CDKL5: variants seen among roughly 807,000 people sequenced by gnomAD.
CDKL5 encodes cyclin-dependent kinase-like 5.
CDKL5 carries 8 observed loss-of-function variants against 61.7 expected under a neutral mutation model. The observed-to-expected ratio is 0.13, with a 90% CI of 0.08 to 0.23. CDKL5 has a LOEUF of 0.23. Ranked by LOEUF, CDKL5 falls within the 10% of genes least tolerant of loss-of-function variation. CDKL5 has a pLI of 1.00. For synonymous variants in CDKL5, 275 were observed against 272.3 expected, an observed-to-expected ratio of 1.01 and a Z score of -0.10; for missense variants, 440 against 734.5, an observed-to-expected ratio of 0.60 and a Z score of 4.63.
At chrX:18,611,364 G>A (rs1342704837) in intron 14 of CDKL5, among the ~76,000 whole-genome samples, 1 of 108,612 alleles carries the variant, frequency 9.2e-6, no homozygotes, top group Non-Finnish European at 1.9e-5. Flanking sequence ...GAACCCGGGA[G>A]GCGGAGCTTG....
chrX:18,562,830 A>G (rs1436956256), intron 3 of CDKL5, among the ~76,000 whole-genome samples: 2 of 111,974 alleles, frequency 1.8e-5, no homozygotes, highest in Non-Finnish European at 3.8e-5. Flanking sequence ...AAGGATAAAT[A>G]AAAGAATACA....
intron 15 of CDKL5, among the ~76,000 whole-genome samples, chrX:18,616,518 G>A (rs960857891): frequency 9.1e-6 from 1 of 109,366 alleles, no homozygotes. Flanking sequence ...CCAGCTACTC[G>A]GGAGGCTGAG....
chrX:18,449,819 G>A (rs1203845180), intron 1 of CDKL5, among the ~76,000 whole-genome samples: 13 of 102,793 alleles, frequency 1.3e-4, no homozygotes, highest in East Asian at 3.0e-4. Context: ...TTTTGGAGAC[G>A]GAGGCTCACT....
chrX:18,641,936 G>T, downstream of CDKL5: 1 of 1,126,179 alleles, frequency 8.9e-7, no homozygotes, highest in Non-Finnish European at 1.2e-6. Flanking sequence ...TCGGTGGTGT[G>T]TGAGGGGGTC....
At chrX:18,503,888 G>A (rs935622362) in intron 1 of CDKL5, among the ~76,000 whole-genome samples, 2 of 110,090 alleles carry the variant, frequency 1.8e-5, no homozygotes, top group Non-Finnish European at 1.9e-5. Context: ...GACTACAGGC[G>A]TGCACAACCA....
chrX:18,609,577 C>T lies in CDKL5; in HGVS notation c.2152+7C>T, dbSNP rs1181895825. Reference sequence around the variant, plus strand: ...GTTGGTAGCTTTTACAGAGGTAAGCCCACCCCCGGCATTCAACAGGTTCCC... The same window carrying T: ...GTTGGTAGCTTTTACAGAGGTAAGCTCACCCCCGGCATTCAACAGGTTCCC... On this transcript the variant is annotated splice_region_variant and intron_variant, in intron 14 of 17. Coordinates refer to ENST00000623535, the MANE Select transcript of CDKL5 (RefSeq NM_001323289.2). 2 of 1,208,275 alleles carry T rather than the reference C, an allele frequency of 1.7e-6. No homozygotes were observed. Among genetic ancestry groups the T allele is most frequent in the African/African-American group, 3.5e-5 (2 of 56,941 alleles).
intron 3 of CDKL5, among the ~76,000 whole-genome samples, chrX:18,560,880 A>AAAG (rs1210667766): frequency 1.8e-5 from 2 of 111,658 alleles, no homozygotes; most frequent in Non-Finnish European, 3.8e-5. Flanking sequence ...AGGCAGAAAA[A>AAAG]AAGAAGTGAT....
intron 3 of CDKL5, among the ~76,000 whole-genome samples, chrX:18,543,219 G>C (rs1475357796): frequency 9.1e-6 from 1 of 110,183 alleles, no homozygotes; most frequent in Non-Finnish European, 1.9e-5. Context: ...GAATAGGGAG[G>C]GTATTGCCAG....
At chrX:18,432,952 C>T (rs183553265) in intron 1 of CDKL5, among the ~76,000 whole-genome samples, 1 of 112,066 alleles carries the variant, frequency 8.9e-6, no homozygotes, top group East Asian at 2.8e-4. Context: ...GGAGACCAGG[C>T]GTGGGTGGCT....
chrX:18,467,654 G>A (rs1920974161), intron 1 of CDKL5, among the ~76,000 whole-genome samples: 1 of 111,809 alleles, frequency 8.9e-6, no homozygotes, highest in African/African-American at 3.3e-5. Context: ...GAGTCTGTAA[G>A]CTGCTGTAGT....
At chrX:18,469,804 C>T (rs1433301833) in intron 1 of CDKL5, among the ~76,000 whole-genome samples, 1 of 111,847 alleles carries the variant, frequency 8.9e-6, no homozygotes, top group Admixed American at 9.6e-5. Flanking sequence ...TTAGAATTCA[C>T]GGGCTTATTT....
chrX:18,503,827 G>A lies in CDKL5; in HGVS notation c.-162-3108G>A, dbSNP rs181452420. ...TGCGATCACGGCTCACCGCAGCTTC[G>A]CCCTCCTGGGCTCAAGCAATCCTCC... On this transcript the variant is annotated intron_variant, in intron 1 of 17. Transcript: ENST00000623535. Among the ~76,000 whole-genome samples the A allele has an allele frequency of 1.2e-3, 138 of 111,483 alleles. 1 individual carries two copies. The highest frequency in any genetic ancestry group is 2.3e-3 in the Non-Finnish European group (122 of 53,011).
chrX:18,543,820 C>G (rs2094754163), intron 3 of CDKL5, among the ~76,000 whole-genome samples: 1 of 111,464 alleles, frequency 9.0e-6, no homozygotes, highest in Non-Finnish European at 1.9e-5. Context: ...ACTCACAATT[C>G]TTTTAGAAAT....
chrX:18,593,029 TTTC>T (rs938346379), intron 9 of CDKL5, among the ~76,000 whole-genome samples: 3 of 112,284 alleles, frequency 2.7e-5, no homozygotes, highest in Admixed American at 9.5e-5. Flanking sequence ...TGTGCCTCTG[TTTC>T]TTCTTGTGTA....
At chrX:18,522,536 G>C (rs142328374) in intron 3 of CDKL5, among the ~76,000 whole-genome samples, 1,736 of 106,353 alleles carry the variant, frequency 0.016, 16 homozygotes, top group South Asian at 0.045. Context: ...GTAGAGACAG[G>C]GTTTTGCCAT....
chrX:18,612,484 G>A (rs1252152522), intron 14 of CDKL5, among the ~76,000 whole-genome samples: 1 of 109,621 alleles, frequency 9.1e-6, no homozygotes, highest in Non-Finnish European at 1.9e-5. Flanking sequence ...CCTGGGCAAC[G>A]TGGTGAAACC....
rs982736007 is a variant in CDKL5 at position 18,425,625 on chromosome X, G to C, written c.-233G>C. On this transcript the variant is annotated 5_prime_UTR_variant, in exon 1 of 18. Coordinates refer to ENST00000623535, the MANE Select transcript of CDKL5 (RefSeq NM_001323289.2). The stretch of plus-strand genomic sequence containing the variant: ...TTTCGATTAGTTGTCTCTGCCGCTG[G>C]GGAAGGTAAAGCGGCGACGGCGTCC... The C allele has an allele frequency of 1.8e-5, 2 of 112,655 alleles. No individual in the cohort carries two copies. Among genetic ancestry groups the C allele is most frequent in the African/African-American group, 6.4e-5 (2 of 31,065 alleles). 9.3% of individuals were successfully genotyped at this position (112,655 alleles called of 1,213,427 possible).
chrX:18,603,398 A>G (rs1470875514), intron 11 of CDKL5, among the ~76,000 whole-genome samples: 1 of 112,455 alleles, frequency 8.9e-6, no homozygotes, highest in Non-Finnish European at 1.9e-5. Context: ...CAGAAGAGAC[A>G]TTGGTGTCTG....
At chrX:18,509,201 A>G (rs183278726) in intron 2 of CDKL5, among the ~76,000 whole-genome samples, 1,078 of 61,525 alleles carry the variant, frequency 0.018, 16 homozygotes, top group African/African-American at 0.056. Flanking sequence ...AAACACGCAC[A>G]CACACACACA....
Sources: gnomAD v4.1 joint callset for allele counts (sites outside exome capture counted in the v4.1 genomes callset) on GRCh38, gnomAD v4.1.1 for gene constraint, MANE v1.5 for transcripts, NCBI Gene and HGNC (gene_info 2026-07-23, HGNC 2026-07-21) for gene names.